The following TNIK variants were observed in gnomAD, a reference collection of about 807,000 sequenced individuals.
TNIK encodes TRAF2 and NCK interacting kinase.
A neutral mutation model predicts 191.3 loss-of-function variants in TNIK; 49 were observed. That is an observed-to-expected ratio of 0.26 (90% CI 0.20 to 0.32). TNIK has a LOEUF of 0.32. TNIK is among the 10% of genes least tolerant of loss of function. The probability of loss-of-function intolerance (pLI) is 1.00; values close to 1 mark genes in which losing one functional copy is unlikely to be tolerated. For synonymous variants in TNIK, 594 were observed against 600.9 expected, an observed-to-expected ratio of 0.99 and a Z score of 0.17; for missense variants, 1,155 against 1,702.3, an observed-to-expected ratio of 0.68 and a Z score of 5.66.
intron 2 of TNIK, among the ~76,000 whole-genome samples, chr3:171,263,886 G>C (rs929500617): frequency 2.0e-5 from 3 of 151,884 alleles, no homozygotes; most frequent in African/African-American, 7.3e-5. Flanking sequence ...CTGGCACACT[G>C]GCAGGAACAC....
chr3:171,177,030 G>A (rs1001272946), intron 8 of TNIK, among the ~76,000 whole-genome samples: 2 of 152,134 alleles, frequency 1.3e-5, no homozygotes, highest in African/African-American at 4.8e-5. Context: ...TATGTCAGGT[G>A]AGGAGTAGTC....
chr3:171,269,666 A>G (rs1265872875), intron 2 of TNIK, among the ~76,000 whole-genome samples: 1 of 152,230 alleles, frequency 6.6e-6, no homozygotes, highest in Non-Finnish European at 1.5e-5. Flanking sequence ...TTATCCCAAA[A>G]AGCACAGCTG....
intron 2 of TNIK, among the ~76,000 whole-genome samples, chr3:171,316,466 G>A (rs562267223): frequency 2.0e-5 from 3 of 152,282 alleles, no homozygotes; most frequent in Non-Finnish European, 2.9e-5. Flanking sequence ...AATGAATAAG[G>A]AGTAAAATTT....
At chr3:171,421,724 A>ATTTTTTTTTTTTTTTT (rs67895255) in intron 1 of TNIK, among the ~76,000 whole-genome samples, 1 of 91,352 alleles carries the variant, frequency 1.1e-5, no homozygotes, top group Admixed American at 1.4e-4. Context: ...TAGTTGTGTA[A>ATTTTTTTTTTTTTTTT]TTTTTTTTTT....
intron 1 of TNIK, among the ~76,000 whole-genome samples, chr3:171,374,820 G>T (rs186174688): frequency 6.6e-6 from 1 of 152,262 alleles, no homozygotes; most frequent in Admixed American, 6.5e-5. Flanking sequence ...TGTCAGAAAC[G>T]ATTCTAAGCA....
At chr3:171,121,562 C>T (rs1015892412) in intron 18 of TNIK, among the ~76,000 whole-genome samples, 7 of 152,222 alleles carry the variant, frequency 4.6e-5, no homozygotes, top group African/African-American at 1.7e-4. Flanking sequence ...TACAGCAGAA[C>T]CATCTGCTCA....
intron 1 of TNIK, among the ~76,000 whole-genome samples, chr3:171,412,632 C>T (rs1722555375): frequency 6.6e-6 from 1 of 152,168 alleles, no homozygotes; most frequent in Non-Finnish European, 1.5e-5. Flanking sequence ...AGAGCTAACA[C>T]CCAAGTTTAT....
chr3:171,288,231 G>A (rs1751251440), intron 2 of TNIK, among the ~76,000 whole-genome samples: 2 of 149,214 alleles, frequency 1.3e-5, no homozygotes, highest in East Asian at 3.9e-4. Flanking sequence ...TGACGAGTTA[G>A]TGGGTGCAGC....
intron 1 of TNIK, among the ~76,000 whole-genome samples, chr3:171,445,419 CAAA>C (rs75214809): frequency 1.0e-4 from 9 of 87,044 alleles, no homozygotes; most frequent in Admixed American, 1.2e-4. Context: ...ACCCTGTCTC[CAAA>C]AAAAAAAAAA....
At chr3:171,162,745 AC>A (rs1442342527) in intron 10 of TNIK, among the ~76,000 whole-genome samples, 1 of 152,260 alleles carries the variant, frequency 6.6e-6, no homozygotes, top group Admixed American at 6.5e-5. Flanking sequence ...AAGCAAGAAT[AC>A]TGAAATTACA....
At chr3:171,286,864 T>C (rs1751063884) in intron 2 of TNIK, among the ~76,000 whole-genome samples, 1 of 152,242 alleles carries the variant, frequency 6.6e-6, no homozygotes, top group Non-Finnish European at 1.5e-5. Flanking sequence ...CAGGGAGTCC[T>C]CTTGTAATGA....
At chr3:171,398,800 G>A (rs974262096) in intron 1 of TNIK, among the ~76,000 whole-genome samples, 6 of 152,152 alleles carry the variant, frequency 3.9e-5, no homozygotes, top group Admixed American at 3.9e-4. Context: ...TCGCAAGTCT[G>A]CAGTTTTGCA....
At chr3:171,215,773 T>C (rs1449153707) in intron 3 of TNIK, among the ~76,000 whole-genome samples, 1 of 152,194 alleles carries the variant, frequency 6.6e-6, no homozygotes, top group Non-Finnish European at 1.5e-5. Context: ...GAACACACTT[T>C]AAGTGCCTAT....
rs1425649658 is a variant in TNIK, at chr3:171,058,743, C to T, written c.*5138G>A. ...TAAACAATTGTAGGCACAGCAAAAT[C>T]GTAGTTTTCCCTTCTGATATTATAC... On this transcript the variant is annotated 3_prime_UTR_variant, in exon 33 of 33. Coordinates refer to ENST00000436636, the MANE Select transcript of TNIK (RefSeq NM_015028.4). Among the ~76,000 whole-genome samples, 1 of 152,142 alleles carries T rather than the reference C, an allele frequency of 6.6e-6. No homozygotes were observed. Among genetic ancestry groups the T allele is most frequent in the Admixed American group, 6.5e-5 (1 of 15,268 alleles).
chr3:171,384,723 A>G (rs936849675), intron 1 of TNIK, among the ~76,000 whole-genome samples: 1 of 152,242 alleles, frequency 6.6e-6, no homozygotes, highest in Non-Finnish European at 1.5e-5. Context: ...CTCAAGTGAC[A>G]TGTCAGATTA....
intron 2 of TNIK, among the ~76,000 whole-genome samples, chr3:171,241,434 T>C (rs1744976185): frequency 6.6e-6 from 1 of 152,244 alleles, no homozygotes; most frequent in South Asian, 2.1e-4. Flanking sequence ...TTCCAGGTTG[T>C]ATTTTCCTTT....
chr3:171,118,480 A>C (rs1727114211), intron 18 of TNIK, among the ~76,000 whole-genome samples: 2 of 152,216 alleles, frequency 1.3e-5, no homozygotes, highest in Non-Finnish European at 1.5e-5. Context: ...CACATTGCCA[A>C]GTCAATCCTA....
chr3:171,225,494 G>A lies in TNIK; in HGVS notation c.180+2671C>T, dbSNP rs1471900924. 1.1e-5 allele frequency: 5 copies of A among 453,862 alleles called. 1 individual carries two copies. The highest frequency in any genetic ancestry group is 8.0e-5 in the African/African-American group (4 of 49,948). The allele number at this position is 453,862 out of a possible 1,614,324, so 28.1% of individuals were successfully genotyped here. On this transcript the variant is annotated intron_variant, in intron 3 of 32. Transcript: ENST00000436636. ...AAATACTATAAAGCATCCACTCTAT[G>A]TAATGGATTGACACTCCTTTGCATG...
intron 1 of TNIK, among the ~76,000 whole-genome samples, chr3:171,428,222 G>A (rs1260227403): frequency 1.3e-5 from 2 of 152,178 alleles, no homozygotes; most frequent in Non-Finnish European, 2.9e-5. Context: ...AATAATTCAG[G>A]AGAAAGTTGA....
Sources: allele counts gnomAD v4.1 joint callset (sites outside exome capture counted in the v4.1 genomes callset), GRCh38; gene constraint gnomAD v4.1.1; transcripts MANE v1.5; gene names NCBI Gene and HGNC (gene_info 2026-07-23, HGNC 2026-07-21).